NUP210: variants seen among roughly 807,000 people sequenced by gnomAD.
The protein encoded by NUP210 is nucleoporin 210.
In NUP210, 151 loss-of-function variants were observed where a neutral mutation model predicts 196.0. That is an observed-to-expected ratio of 0.77 (90% CI 0.67 to 0.88). NUP210 has a LOEUF of 0.88. Ranked by LOEUF, NUP210 falls within the 40% of genes least tolerant of loss-of-function variation. The pLI, the probability that NUP210 is intolerant of heterozygous loss-of-function variation, is 0.00. For synonymous variants in NUP210, 1,070 were observed against 1,052.7 expected, an observed-to-expected ratio of 1.02 and a Z score of -0.32; for missense variants, 2,314 against 2,493.7, an observed-to-expected ratio of 0.93 and a Z score of 1.53.
At chr3:13,398,382 G>A (rs759731027) in intron 2 of NUP210, among the ~76,000 whole-genome samples, 1 of 152,170 alleles carries the variant, frequency 6.6e-6, no homozygotes, top group Non-Finnish European at 1.5e-5. Flanking sequence ...GGCAAAGGTT[G>A]CAGTGAGCCA....
chr3:13,333,274 G>T (rs1162272777), intron 28 of NUP210, among the ~76,000 whole-genome samples: 1 of 152,238 alleles, frequency 6.6e-6, no homozygotes, highest in Non-Finnish European at 1.5e-5. Context: ...CACCACCTGT[G>T]TAAGTCCCCT....
intron 4 of NUP210, 49 bp downstream of exon 4, chr3:13,391,162 C>A: frequency 1.4e-6 from 2 of 1,379,708 alleles, no homozygotes; most frequent in East Asian, 2.4e-5. Context: ...AGGTGTCCCC[C>A]TTTCCCCTTC....
rs1698949369 is a variant in NUP210 at position 13,377,392 on chromosome 3, C to T, written c.1152+64G>A. On this transcript the variant is annotated intron_variant, in intron 9 of 39. Transcript: ENST00000254508. ...TCCTGTTGCTTTGGGGGCTGCTCTTCAGCAGCCGCGTCAGACAACGACCCC... is the reference window on the plus strand; with the variant it reads ...TCCTGTTGCTTTGGGGGCTGCTCTTTAGCAGCCGCGTCAGACAACGACCCC... The T allele has an allele frequency of 3.3e-6, 4 of 1,197,858 alleles. No individual in the cohort carries two copies. The African/African-American group carries it at 4.5e-5, about 13-fold the overall frequency. 74.2% of individuals were successfully genotyped at this position (1,197,858 alleles called of 1,614,324 possible). A position where few individuals can be genotyped will look rare whatever the true frequency, so the allele number is the denominator to read the frequency against.
In NUP210 at chr3:13,362,987, T is replaced by C. The variant is rs186680854; in HGVS notation, c.1933-2496A>G. Among the ~76,000 whole-genome samples the C allele has an allele frequency of 2.9e-3, 436 of 152,326 alleles. 3 individuals carry two copies. Among genetic ancestry groups the C allele is most frequent in the African/African-American group, 0.01 (416 of 41,576 alleles). The stretch of plus-strand genomic sequence containing the variant: ...CATCACTGGATATACCATCATTTGC[T>C]TCTCTGTCCCCACTGGAGTGAAGCT... On this transcript the variant is annotated intron_variant, in intron 14 of 39. Transcript: ENST00000254508.
At chr3:13,335,245 AAGCCTT>A (rs1697162596) in intron 28 of NUP210, among the ~76,000 whole-genome samples, 1 of 152,154 alleles carries the variant, frequency 6.6e-6, no homozygotes, top group Non-Finnish European at 1.5e-5. Context: ...CTCCTCTGTG[AAGCCTT>A]TGCTTGGCCC....
In NUP210 at chr3:13,347,440, G is replaced by T. The variant is rs149043309; in HGVS notation, c.2836-4137C>A. On this transcript the variant is annotated intron_variant, in intron 20 of 39. Transcript: ENST00000254508. This position sits in a 1 kb window ranked among gnomAD's most constrained non-coding sequence, Gnocchi z 4.7. ...TTAAATCGGATAAACACTCCTATGT[G>T]CAAACCAGCCGAAAACAAAATAAAG... The T allele has an allele frequency of 1.6e-6, 1 of 629,544 alleles. No homozygotes were observed. Among genetic ancestry groups the T allele is most frequent in the African/African-American group, 2.0e-5 (1 of 50,196 alleles). The allele number at this position is 629,544 out of a possible 1,614,324, so 39.0% of individuals were successfully genotyped here. A position where few individuals can be genotyped will look rare whatever the true frequency, so the allele number is the denominator to read the frequency against.
chr3:13,328,370 T>A (rs1696860976), intron 31 of NUP210, among the ~76,000 whole-genome samples: 1 of 152,248 alleles, frequency 6.6e-6, no homozygotes, highest in Non-Finnish European at 1.5e-5. Flanking sequence ...GAACCAGGCC[T>A]GACTCTAAAC....
intron 4 of NUP210, among the ~76,000 whole-genome samples, chr3:13,389,620 C>G (rs1306579539): frequency 6.6e-6 from 1 of 152,192 alleles, no homozygotes; most frequent in Non-Finnish European, 1.5e-5. Flanking sequence ...AAGGGCAACT[C>G]GGCTCACAAA....
Position 13,397,503 on chromosome 3 carries a change from G to T in NUP210, c.305-15C>A, listed in dbSNP as rs1427784650. On this transcript the variant is annotated splice_polypyrimidine_tract_variant and intron_variant, in intron 2 of 39. Coordinates refer to ENST00000254508, the MANE Select transcript of NUP210 (RefSeq NM_024923.4). ...CTGGCCTGTGGCTGGAGGAACCCCAGGAAGGGGTCAGCACCAAAGACAGTC... is the reference window on the plus strand; with the variant it reads ...CTGGCCTGTGGCTGGAGGAACCCCATGAAGGGGTCAGCACCAAAGACAGTC... 6.3e-7 allele frequency: 1 copy of T among 1,585,514 alleles called. No individual in the cohort carries two copies. Among genetic ancestry groups the T allele is most frequent in the South Asian group, 1.1e-5 (1 of 87,426 alleles).
chr3:13,338,185 G>A (rs115881205), intron 25 of NUP210, among the ~76,000 whole-genome samples: 5,355 of 152,284 alleles, frequency 0.035, 150 homozygotes, highest in Middle Eastern at 0.068. Flanking sequence ...AGCTGTTCCA[G>A]GTCAGCACTG....
Position 13,379,587 on chromosome 3 carries a change from T to C in NUP210, c.952A>G (p.Ser318Gly). The change falls in exon 7 of 40, where the codon AGC becomes GGC. Residue 318 changes from serine (S) to glycine (G), a missense_variant. Coordinates refer to ENST00000254508, the MANE Select transcript of NUP210 (RefSeq NM_024923.4). This position sits in a 1 kb window ranked among gnomAD's most constrained non-coding sequence, Gnocchi z 4.2. ...TTCCTGTGGCCAAGGACGAGGCTGCTCTGTCCCAGCTGCAGTGCAGTGACC... is the reference window on the plus strand; with the variant it reads ...TTCCTGTGGCCAAGGACGAGGCTGCCCTGTCCCAGCTGCAGTGCAGTGACC... Reference protein sequence around the residue: ...SMVTALQLGQSSLVLGHRSIR... With the variant: ...SMVTALQLGQGSLVLGHRSIR... The C allele has an allele frequency of 6.2e-7, 1 of 1,614,112 alleles. No homozygotes were observed. Among genetic ancestry groups the C allele is most frequent in the South Asian group, 1.1e-5 (1 of 91,080 alleles).
Position 13,317,777 on chromosome 3 carries a change from G to A in NUP210, c.5568C>T (p.Phe1856=), listed in dbSNP as rs755352653. ...TGGGAGATGTGGGTGATGAGGCAGC[G>A]AAATCTAGGGTGGGAAGAGAGACGA... ...RASPGHSPHY[F]AASSPTSPNA... is the part of the protein sequence containing the mutation. The change falls in exon 40 of 40, where the codon TTC becomes TTT. Residue 1856 remains phenylalanine (F), a synonymous_variant. Transcript: ENST00000254508. 1.8e-5 allele frequency: 29 copies of A among 1,605,598 alleles called. No homozygotes were observed. The highest frequency in any genetic ancestry group is 6.7e-5 in the East Asian group (3 of 44,620).
chr3:13,356,324 A>G (rs993597880), intron 16 of NUP210, among the ~76,000 whole-genome samples: 4 of 152,248 alleles, frequency 2.6e-5, no homozygotes, highest in African/African-American at 9.6e-5. Flanking sequence ...TCCAGGCTGC[A>G]TTGCAGGAAT....
intron 3 of NUP210, among the ~76,000 whole-genome samples, chr3:13,392,090 C>T (rs888248433): frequency 7.2e-5 from 11 of 152,154 alleles, no homozygotes; most frequent in Non-Finnish European, 1.3e-4. Context: ...TGTTCCACAT[C>T]CCTCATCCAC....
chr3:13,386,884 CT>C (rs1699296186), intron 5 of NUP210, among the ~76,000 whole-genome samples: 1 of 152,194 alleles, frequency 6.6e-6, no homozygotes, highest in Non-Finnish European at 1.5e-5. Flanking sequence ...CACCCCCGAC[CT>C]GTGACCTCCT....
At chr3:13,326,805 T>C (rs957630127) in intron 32 of NUP210, among the ~76,000 whole-genome samples, 2 of 152,250 alleles carry the variant, frequency 1.3e-5, no homozygotes, top group Non-Finnish European at 2.9e-5. Context: ...AGTGAGACTA[T>C]GCAGAGACAG....
chr3:13,393,077 G>A, intron 3 of NUP210, among the ~76,000 whole-genome samples: 1 of 152,222 alleles, frequency 6.6e-6, no homozygotes, highest in Non-Finnish European at 1.5e-5. Context: ...AACACCACAA[G>A]AGTCCTGAAT....
intron 13 of NUP210, among the ~76,000 whole-genome samples, chr3:13,370,777 C>G (rs75580122): frequency 3.2e-4 from 49 of 152,370 alleles, no homozygotes; most frequent in African/African-American, 1.2e-3. Flanking sequence ...GTAATTACAG[C>G]TACAGTTGCA....
intron 29 of NUP210, among the ~76,000 whole-genome samples, chr3:13,331,582 T>C (rs1696997943): frequency 2.0e-5 from 3 of 152,212 alleles, no homozygotes; most frequent in African/African-American, 7.2e-5. Flanking sequence ...TTTAATAGCC[T>C]TCTCCTGCTA....
Sources: allele counts gnomAD v4.1 joint callset (sites outside exome capture counted in the v4.1 genomes callset), GRCh38; gene constraint gnomAD v4.1.1; non-coding constraint Gnocchi (gnomAD v3.1); transcripts MANE v1.5; gene names NCBI Gene and HGNC (gene_info 2026-07-23, HGNC 2026-07-21).